The following MOCS1 variants were observed in gnomAD, a reference collection of about 807,000 sequenced individuals.
MOCS1 encodes molybdenum cofactor biosynthesis protein 1.
In MOCS1, 39 loss-of-function variants were observed where a neutral mutation model predicts 57.6. The ratio of observed to expected loss-of-function variants is 0.68; its 90% CI spans 0.52 to 0.88. MOCS1 has a LOEUF of 0.88. Among genes scored for constraint, MOCS1 ranks in the 40% least tolerant of loss-of-function variants. The pLI is 0.00. For synonymous variants in MOCS1, 334 were observed against 335.7 expected (o/e 1.00, Z 0.05); for missense variants, 795 against 831.1 (o/e 0.96, Z 0.53).
chr6:39,913,079 TCC>T lies in MOCS1; in HGVS notation c.758-77_758-76del, dbSNP rs1767436103. On this transcript the variant is annotated intron_variant, in intron 6 of 10. Transcript: ENST00000340692. ...AGGGGCCCCGGGGTCTTTGAGTCCA[TCC>T]CCTGCCACAGCATAGCAATCAGTTC... 5 of 1,160,164 alleles carry T rather than the reference TCC, an allele frequency of 4.3e-6. No individual in the cohort carries two copies. The African/African-American group carries it at 4.5e-5, about 11-fold the overall frequency. 71.9% of individuals were successfully genotyped at this position (1,160,164 alleles called of 1,614,324 possible).
rs1001704402 is a variant in MOCS1, at chr6:39,934,393, T to C, written c.25A>G (p.Met9Val). MAARPLSR[M>V]LRRLLRSSAR... ...CTGGACCTCAGAAGCCGCCGCAGCA[T>C]CCGGGACAGTGGCCGCGCCGCCATG... The change falls in exon 1 of 11, where the codon ATG becomes GTG. Residue 9 changes from methionine (M) to valine (V), a missense_variant. Coordinates refer to ENST00000340692, the MANE Select transcript of MOCS1 (RefSeq NM_001358530.2). 4.5e-6 allele frequency: 7 copies of C among 1,563,928 alleles called. No individual in the cohort carries two copies. The highest frequency in any genetic ancestry group is 6.0e-6 in the Non-Finnish European group (7 of 1,159,724).
chr6:39,907,440 G>T (rs1269642119), intron 10 of MOCS1, among the ~76,000 whole-genome samples: 4 of 152,050 alleles, frequency 2.6e-5, no homozygotes, highest in African/African-American at 9.7e-5. Flanking sequence ...GCAGCACCAA[G>T]TTGAGGCCTG....
intron 3 of MOCS1, among the ~76,000 whole-genome samples, chr6:39,922,772 C>T (rs116137230): frequency 0.011 from 1,640 of 152,284 alleles, 18 homozygotes; most frequent in African/African-American, 0.036. Context: ...CTGAGGTGAA[C>T]GGGACCTCAG....
At chr6:39,921,113 C>CA (rs1767942187) in intron 3 of MOCS1, among the ~76,000 whole-genome samples, 1 of 151,412 alleles carries the variant, frequency 6.6e-6, no homozygotes, top group Non-Finnish European at 1.5e-5. Context: ...AAGTTATTGC[C>CA]AAATGGCTGG....
rs543622912 is a variant in MOCS1, at chr6:39,913,726, G to C, written c.645+48C>G. 3.8e-6 allele frequency: 6 copies of C among 1,599,456 alleles called. No homozygotes were observed. The African/African-American group carries it at 5.4e-5, about 14-fold the overall frequency. On this transcript the variant is annotated intron_variant, in intron 5 of 10. Coordinates refer to ENST00000340692, the MANE Select transcript of MOCS1 (RefSeq NM_001358530.2). ...CAAGGGGCGGTGAGGGGAAGGCCAG[G>C]GCAGTGTGGAGGGAAGTCGGGAATC...
chr6:39,918,022 C>T (rs1370356214), intron 3 of MOCS1, among the ~76,000 whole-genome samples: 1 of 152,184 alleles, frequency 6.6e-6, no homozygotes, highest in Non-Finnish European at 1.5e-5. Context: ...AAAATGTACA[C>T]AGTAGTTATC....
chr6:39,918,773 G>T (rs1192214573), intron 3 of MOCS1, among the ~76,000 whole-genome samples: 2 of 152,076 alleles, frequency 1.3e-5, no homozygotes, highest in African/African-American at 4.8e-5. Context: ...AATGTCAACA[G>T]TGGTTACAAA....
Position 39,906,799 on chromosome 6 carries a change from C to A in MOCS1, c.1469G>T (p.Arg490Leu), listed in dbSNP as rs774068685. ...CCTGCCCACATCTACCATAGCTGCC[C>A]GTCCTTCCGAGTCCACATGAGTTAG... ...EQLTHVDSEGRAAMVDVGRKP... is the reference protein window; with the variant it reads ...EQLTHVDSEGLAAMVDVGRKP... Residue 490 changes from arginine to leucine, a missense_variant, in exon 11 of 11, where the codon CGG (arginine) becomes CTG (leucine). By Grantham distance (102) the Arg-to-Leu change is moderately radical. Coordinates refer to ENST00000340692, the MANE Select transcript of MOCS1 (RefSeq NM_001358530.2). 6.2e-7 allele frequency: 1 copy of A among 1,614,186 alleles called. No individual in the cohort carries two copies. Among genetic ancestry groups the A allele is most frequent in the African/African-American group, 1.3e-5 (1 of 75,062 alleles).
At chr6:39,924,480 G>A (rs750026567) in intron 3 of MOCS1, among the ~76,000 whole-genome samples, 1 of 152,222 alleles carries the variant, frequency 6.6e-6, no homozygotes, top group Non-Finnish European at 1.5e-5. Context: ...CAAACACACA[G>A]TGCCAGGATG....
Position 39,905,291 on chromosome 6 carries a change from G to A in MOCS1, c.*1066C>T, listed in dbSNP as rs959063381. The A allele has an allele frequency of 5.9e-5, 27 of 454,876 alleles. No individual in the cohort carries two copies. The highest frequency in any genetic ancestry group is 1.1e-4 in the Non-Finnish European group (24 of 226,964). The allele number at this position is 454,876 out of a possible 1,614,324, so 28.2% of individuals were successfully genotyped here. On this transcript the variant is annotated 3_prime_UTR_variant, in exon 11 of 11. Coordinates refer to ENST00000340692, the MANE Select transcript of MOCS1 (RefSeq NM_001358530.2). ...CTTTGAACACCCCTGGCCACCACCTGACAAAAGATTTCCCTTAGATGGTGC... is the reference window on the plus strand; with the variant it reads ...CTTTGAACACCCCTGGCCACCACCTAACAAAAGATTTCCCTTAGATGGTGC...
Position 39,905,282 on chromosome 6 carries a change from C to T in MOCS1, c.*1075G>A. 2 of 454,716 alleles carry T rather than the reference C, an allele frequency of 4.4e-6. No homozygotes were observed. The highest frequency in any genetic ancestry group is 3.1e-5 in the South Asian group (2 of 64,490). 28.2% of individuals were successfully genotyped at this position (454,716 alleles called of 1,614,324 possible). ...AGCAATGAGCTTTGAACACCCCTGG[C>T]CACCACCTGACAAAAGATTTCCCTT... On this transcript the variant is annotated 3_prime_UTR_variant, in exon 11 of 11. Coordinates refer to ENST00000340692, the MANE Select transcript of MOCS1 (RefSeq NM_001358530.2).
At position 39,916,192 on chromosome 6, in the gene MOCS1, A is replaced by G; in HGVS notation, c.459T>C (p.Val153=). The stretch of plus-strand genomic sequence containing the variant: ...GGGCCAGGTTGATGCCATTGGTGGT[A>G]ACACCTATGGTTCTCAGCCCTTCCA... ...QRLEGLRTIG[V]TTNGINLARL... is the part of the protein sequence containing the mutation. Residue 153 remains valine, a synonymous_variant, in exon 4 of 11, where the codon GTT becomes GTC. Transcript: ENST00000340692. The G allele has an allele frequency of 6.2e-7, 1 of 1,613,976 alleles. No homozygotes were observed. Among genetic ancestry groups the G allele is most frequent in the East Asian group, 2.2e-5 (1 of 44,876 alleles).
intron 10 of MOCS1, among the ~76,000 whole-genome samples, chr6:39,907,662 C>T (rs1277825545): frequency 1.3e-5 from 2 of 152,124 alleles, no homozygotes; most frequent in African/African-American, 2.4e-5. Context: ...TACAAACTGA[C>T]GGGCTAATTC....
At chr6:39,923,879 A>G (rs2984661) in intron 3 of MOCS1, among the ~76,000 whole-genome samples, 66,218 of 152,062 alleles carry the variant, frequency 0.44, 14,629 homozygotes, top group Middle Eastern at 0.48. Context: ...CCTCAACAGC[A>G]GGGCTGGTGC....
Position 39,920,912 on chromosome 6 carries a change from G to C in MOCS1, c.419-4680C>G, listed in dbSNP as rs184842761. The stretch of plus-strand genomic sequence containing the variant: ...GAGGATCGCTTGAACCCAGGAGGTT[G>C]AGGCTGCAGTGAGCTGTCGTGCCAC... On this transcript the variant is annotated intron_variant, in intron 3 of 10. Coordinates refer to ENST00000340692, the MANE Select transcript of MOCS1 (RefSeq NM_001358530.2). Among the ~76,000 whole-genome samples the C allele has an allele frequency of 2.2e-3, 336 of 151,876 alleles. 1 individual carries two copies. The highest frequency in any genetic ancestry group is 3.9e-3 in the Non-Finnish European group (264 of 67,934).
intron 10 of MOCS1, among the ~76,000 whole-genome samples, chr6:39,908,465 A>C (rs531236299): frequency 6.6e-6 from 1 of 152,280 alleles, no homozygotes; most frequent in East Asian, 1.9e-4. Flanking sequence ...TTTTGTTTGA[A>C]GCATCCTACA....
At position 39,911,391 on chromosome 6, in the gene MOCS1, AC is replaced by A. The variant is rs1767318478; in HGVS notation, c.981+872del. Among the ~76,000 whole-genome samples, 8 of 152,238 alleles carry A rather than the reference AC, an allele frequency of 5.3e-5. No individual in the cohort carries two copies. The South Asian group carries it at 1.7e-3, about 32-fold the overall frequency. On this transcript the variant is annotated intron_variant, in intron 8 of 10. Coordinates refer to ENST00000340692, the MANE Select transcript of MOCS1 (RefSeq NM_001358530.2). Reference sequence around the variant, plus strand: ...TTCCTCCTCTCCTTCCGCGAACATTACCAAGCTCTCTGAGTCTTCCTTCCCT... The same window carrying A: ...TTCCTCCTCTCCTTCCGCGAACATTACAAGCTCTCTGAGTCTTCCTTCCCT...
At position 39,925,757 on chromosome 6, in the gene MOCS1, G is replaced by C. The variant is rs762810343; in HGVS notation, c.339C>G (p.Leu113=). ...TTEEILTLAR[L]FVKEGIDKIR... ...TCTTGTCGATGCCTTCCTTCACAAAGAGCCGGGCGAGGGTCAGGATCTCCT... is the reference window on the plus strand; with the variant it reads ...TCTTGTCGATGCCTTCCTTCACAAACAGCCGGGCGAGGGTCAGGATCTCCT... Residue 113 remains leucine (L), a synonymous_variant, in exon 3 of 11, where the codon CTC becomes CTG. Transcript: ENST00000340692. The C allele has an allele frequency of 6.2e-7, 1 of 1,612,850 alleles. No homozygotes were observed. The highest frequency in any genetic ancestry group is 1.7e-5 in the Admixed American group (1 of 60,028).
Position 39,908,971 on chromosome 6 carries a change from C to G in MOCS1, c.1150+84G>C, listed in dbSNP as rs1242774149. The G allele has an allele frequency of 7.2e-6, 8 of 1,111,262 alleles. No homozygotes were observed. The East Asian group carries it at 1.9e-4, about 26-fold the overall frequency. The allele number at this position is 1,111,262 out of a possible 1,614,324, so 68.8% of individuals were successfully genotyped here. On this transcript the variant is annotated intron_variant, in intron 10 of 10. Transcript: ENST00000340692. ...GAGAAATCAGCATGAAATGCAGGAG[C>G]TGGGGGTGCCTATGGCACGGCTCCC...
Sources: allele counts gnomAD v4.1 joint callset (sites outside exome capture counted in the v4.1 genomes callset), GRCh38; gene constraint gnomAD v4.1.1; transcripts MANE v1.5; gene names NCBI Gene and HGNC (gene_info 2026-07-23, HGNC 2026-07-21).